RHOT2: variants seen among roughly 807,000 people sequenced by gnomAD.
The protein encoded by RHOT2 is mitochondrial Rho GTPase 2.
A neutral mutation model predicts 81.6 loss-of-function variants in RHOT2; 90 were observed. That is an observed-to-expected ratio of 1.10 (90% CI 0.93 to 1.31). The LOEUF (loss-of-function observed/expected upper bound fraction) is 1.31. Ranked by LOEUF, RHOT2 falls within the 40% of genes most tolerant of loss-of-function variation. The probability of loss-of-function intolerance (pLI) is 0.00; values close to 1 mark genes in which losing one functional copy is unlikely to be tolerated. For missense variants in RHOT2, 1,014 were observed against 841.9 expected (o/e 1.20, Z -2.53); for synonymous variants, 512 against 370.9 (o/e 1.38, Z -4.37).
Position 670,286 on chromosome 16 carries a change from C to T in RHOT2, c.367C>T (p.Arg123Trp), listed in dbSNP as rs543241777. ...CCTAGTGGGCAACAAGTCAGACCTG[C>T]GGTCGGGGAGCTCCATGGAGGCCGT... ...IILVGNKSDL[R>W]SGSSMEAVLP... The change falls in exon 7 of 19, where the codon CGG becomes TGG. Residue 123 changes from arginine to tryptophan, a missense_variant. Coordinates refer to ENST00000315082, the MANE Select transcript of RHOT2 (RefSeq NM_138769.3). The T allele has an allele frequency of 2.0e-5, 33 of 1,612,776 alleles. No homozygotes were observed. In the African/African-American group the frequency reaches 2.4e-4, roughly 12 times the overall value.
chr16:670,406 G>C (rs2038720271), intron 7 of RHOT2, 49 bp downstream of exon 7: 1 of 1,609,656 alleles, frequency 6.2e-7, no homozygotes, highest in Non-Finnish European at 8.5e-7. Context: ...TGTGTTCTCA[G>C]TCGGTGCCCT....
At position 668,158 on chromosome 16, in the gene RHOT2, G is replaced by C. The variant is rs561747806; in HGVS notation, c.-42G>C. 4.5e-6 allele frequency: 2 copies of C among 443,768 alleles called. No homozygotes were observed. Among genetic ancestry groups the C allele is most frequent in the East Asian group, 3.4e-5 (1 of 29,756 alleles). The allele number at this position is 443,768 out of a possible 1,614,324, so 27.5% of individuals were successfully genotyped here. A position where few individuals can be genotyped will look rare whatever the true frequency, so the allele number is the denominator to read the frequency against. On this transcript the variant is annotated 5_prime_UTR_variant, in exon 1 of 19. Transcript: ENST00000315082. ...GAGCGAAAGGCTTGAGGACCAGGTC[G>C]GGGCCGGGTTCCGGGTCGGGGAGCG...
At position 670,408 on chromosome 16, in the gene RHOT2, C is replaced by T. The variant is rs772068800; in HGVS notation, c.439-48C>T. The T allele has an allele frequency of 3.4e-5, 54 of 1,607,774 alleles. 1 individual carries two copies. The highest frequency in any genetic ancestry group is 4.3e-5 in the Non-Finnish European group (51 of 1,176,382). ...CTCCTTCATTCCTTGTGTTCTCAGT[C>T]GGTGCCCTCCTCGGGGCACTTCCCT... On this transcript the variant is annotated intron_variant, in intron 7 of 18. Coordinates refer to ENST00000315082, the MANE Select transcript of RHOT2 (RefSeq NM_138769.3).
At chr16:671,810 G>GCCCCCCCCCCCC in intron 12 of RHOT2, 29 bp downstream of exon 12, 1 of 1,586,228 alleles carries the variant, frequency 6.3e-7, no homozygotes, top group South Asian at 1.1e-5. Flanking sequence ...CCCTGCCCCT[G>GCCCCCCCCCCCC]CCCCCGCCCC....
In RHOT2 at chr16:672,092, C is replaced by T; in HGVS notation, c.1106C>T (p.Thr369Ile). 4 of 1,612,464 alleles carry T rather than the reference C, an allele frequency of 2.5e-6. No homozygotes were observed. The highest frequency in any genetic ancestry group is 3.4e-6 in the Non-Finnish European group (4 of 1,179,852). Residue 369 changes from threonine to isoleucine, a missense_variant, in exon 14 of 19, where the codon ACC becomes ATC. Coordinates refer to ENST00000315082, the MANE Select transcript of RHOT2 (RefSeq NM_138769.3). ...HGYLCQWTLVTYLDVRSCLGH... is the reference protein window; with the variant it reads ...HGYLCQWTLVIYLDVRSCLGH... Reference sequence around the variant, plus strand: ...CTCCCGCCCACCCCCAGCCTGGTGACCTACCTGGACGTCCGGAGCTGCCTT... The same window carrying T: ...CTCCCGCCCACCCCCAGCCTGGTGATCTACCTGGACGTCCGGAGCTGCCTT...
chr16:670,400 T>A (rs779080013), intron 7 of RHOT2, 43 bp downstream of exon 7: 1 of 1,609,982 alleles, frequency 6.2e-7, no homozygotes, highest in South Asian at 1.1e-5. Flanking sequence ...ATTCCTTGTG[T>A]TCTCAGTCGG....
intron 8 of RHOT2, 48 bp from the exon 9 acceptor site, chr16:670,627 G>T: frequency 6.2e-7 from 1 of 1,603,014 alleles, no homozygotes; most frequent in South Asian, 1.1e-5. Context: ...GGGCGGTGTG[G>T]CAGGTCGGCG....
At position 673,713 on chromosome 16, in the gene RHOT2, G is replaced by A. The variant is rs576833230; in HGVS notation, c.*107G>A. On this transcript the variant is annotated 3_prime_UTR_variant, in exon 19 of 19. Coordinates refer to ENST00000315082, the MANE Select transcript of RHOT2 (RefSeq NM_138769.3). Reference sequence around the variant, plus strand: ...CAGGCCAGGCTGCCACTCCGGGAACGCCTTTGCGCCGGGACTTTTTGTTTC... The same window carrying A: ...CAGGCCAGGCTGCCACTCCGGGAACACCTTTGCGCCGGGACTTTTTGTTTC... 1.7e-4 allele frequency: 237 copies of A among 1,391,792 alleles called. 2 individuals carry two copies. The African/African-American group carries it at 3.1e-3, about 18-fold the overall frequency. The allele number at this position is 1,391,792 out of a possible 1,614,324, so 86.2% of individuals were successfully genotyped here.
At chr16:672,627 C>G in intron 16 of RHOT2, 61 bp downstream of exon 16, 1 of 1,609,692 alleles carries the variant, frequency 6.2e-7, no homozygotes, top group Non-Finnish European at 8.5e-7. Context: ...CCAGGCCTGC[C>G]TGGCAGATCT....
chr16:673,462 G>A lies in RHOT2; in HGVS notation c.1731-18G>A, dbSNP rs759638278. 2.5e-6 allele frequency: 4 copies of A among 1,612,600 alleles called. No individual in the cohort carries two copies. Among genetic ancestry groups the A allele is most frequent in the Non-Finnish European group, 3.4e-6 (4 of 1,179,904 alleles). ...GCATGTGCCTGAGGTATCTGCAGAT[G>A]ATTCTTCTCTCTTGCAGACATTTGG... On this transcript the variant is annotated intron_variant, in intron 18 of 18. Transcript: ENST00000315082.
rs1252717771 is a variant in RHOT2, at chr16:673,091, C to G, written c.1691C>G (p.Thr564Ser). 6.2e-7 allele frequency: 1 copy of G among 1,609,820 alleles called. No homozygotes were observed. Among genetic ancestry groups the G allele is most frequent in the Admixed American group, 1.7e-5 (1 of 60,022 alleles). ...TGTGCTGGCCCAGCCGAGCCCAGCA[C>G]CACCATCTTCACCCAGCTCGCCACC... ...FSCAGPAEPS[T>S]TIFTQLATMA... is the part of the protein sequence containing the mutation. Residue 564 changes from threonine to serine, a missense_variant, in exon 18 of 19, where the codon ACC (threonine) becomes AGC (serine). By Grantham distance (58) the Thr-to-Ser change is moderately conservative (BLOSUM62 1). Transcript: ENST00000315082.
At chr16:673,197 G>A in intron 18 of RHOT2, 67 bp downstream of exon 18, 1 of 1,526,214 alleles carries the variant, frequency 6.6e-7, no homozygotes, top group Non-Finnish European at 8.9e-7. Context: ...GGCAGCGGTG[G>A]TGTCAGGCCT....
rs771387019 is a variant in RHOT2 at position 671,985 on chromosome 16, A to G, written c.1080A>G (p.Gly360=). ...RTEAGRLPLH[G]YLCQWTLVTY... is the part of the protein sequence containing the mutation. Reference sequence around the variant, plus strand: ...AGGCCGGCCGGTTGCCCCTGCACGGATACCTCTGCCAGTGGACGTAAGTGC... The same window carrying G: ...AGGCCGGCCGGTTGCCCCTGCACGGGTACCTCTGCCAGTGGACGTAAGTGC... Residue 360 remains glycine, a synonymous_variant, in exon 13 of 19, where the codon GGA becomes GGG. Coordinates refer to ENST00000315082, the MANE Select transcript of RHOT2 (RefSeq NM_138769.3). 1 of 1,611,998 alleles carries G rather than the reference A, an allele frequency of 6.2e-7. No homozygotes were observed. The highest frequency in any genetic ancestry group is 8.5e-7 in the Non-Finnish European group (1 of 1,179,690).
intron 5 of RHOT2, chr16:669,872 G>C (rs1211592704): frequency 9.8e-6 from 6 of 612,548 alleles, no homozygotes; most frequent in Non-Finnish European, 1.7e-5. Flanking sequence ...ACCCGCAGAG[G>C]GCCTGCGTTG....
chr16:673,700 C>T lies in RHOT2; in HGVS notation c.*94C>T. On this transcript the variant is annotated 3_prime_UTR_variant, in exon 19 of 19. Transcript: ENST00000315082. ...CACAGCTGGGGTGCAGGCCAGGCTG[C>T]CACTCCGGGAACGCCTTTGCGCCGG... The T allele has an allele frequency of 6.8e-7, 1 of 1,474,744 alleles. No homozygotes were observed. Among genetic ancestry groups the T allele is most frequent in the East Asian group, 2.3e-5 (1 of 43,356 alleles). The allele number at this position is 1,474,744 out of a possible 1,614,324, so 91.4% of individuals were successfully genotyped here. A position where few individuals can be genotyped will look rare whatever the true frequency, so the allele number is the denominator to read the frequency against.
rs1012492135 is a variant in RHOT2 at position 670,068 on chromosome 16, T to G, written c.277-55T>G. On this transcript the variant is annotated intron_variant, in intron 5 of 18. Transcript: ENST00000315082. ...CCCCCAGCCAGGCTCATGCTCCAGC[T>G]GGGAGCCATGTGCCCGCGGGCAGCC... The G allele has an allele frequency of 2.0e-6, 3 of 1,488,418 alleles. No individual in the cohort carries two copies. The African/African-American group carries it at 4.2e-5, about 21-fold the overall frequency. The allele number at this position is 1,488,418 out of a possible 1,614,324, so 92.2% of individuals were successfully genotyped here.
intron 2 of RHOT2, 37 bp downstream of exon 2, chr16:668,448 C>T: frequency 1.9e-6 from 3 of 1,572,282 alleles, no homozygotes; most frequent in South Asian, 1.1e-5. Flanking sequence ...GGGAGCGGGC[C>T]CAGCCGGGGG....
intron 16 of RHOT2, 28 bp from the exon 17 acceptor site, chr16:672,675 C>T: frequency 6.2e-7 from 1 of 1,611,686 alleles, no homozygotes; most frequent in Non-Finnish European, 8.5e-7. Flanking sequence ...GCCCCAGGGA[C>T]CCTTCCTAAG....
At chr16:670,041 C>T (rs3752489) in intron 5 of RHOT2, 82 bp from the exon 6 acceptor site, 346,977 of 1,353,108 alleles carry the variant, frequency 0.26, 51,897 homozygotes, top group East Asian at 0.69. Context: ...CCCTTCTGCT[C>T]TCCCCCAGCC....
Sources: gnomAD v4.1 joint callset for allele counts on GRCh38, gnomAD v4.1.1 for gene constraint, MANE v1.5 for transcripts, NCBI Gene and HGNC (gene_info 2026-07-23, HGNC 2026-07-21) for gene names.